CXADR: variants seen among roughly 807,000 people sequenced by gnomAD.
CXADR encodes coxsackievirus and adenovirus receptor.
Under a neutral mutation model 40.3 loss-of-function variants are expected in CXADR, and 20 were observed. The ratio of observed to expected loss-of-function variants is 0.50; its 90% confidence interval spans 0.35 to 0.72. The LOEUF is 0.72. CXADR is among the 30% of genes least tolerant of loss of function. The probability of loss-of-function intolerance (pLI) is 0.01; values close to 1 mark genes in which losing one functional copy is unlikely to be tolerated. For synonymous variants in CXADR, 150 were observed against 161.3 expected (o/e 0.93, Z 0.53); for missense variants, 332 against 449.1 (o/e 0.74, Z 2.36).
chr21:17,525,144 T>G (rs1475484283), intron 1 of CXADR, among the ~76,000 whole-genome samples: 1 of 152,170 alleles, frequency 6.6e-6, no homozygotes, highest in Non-Finnish European at 1.5e-5. Flanking sequence ...GAAAAAGGAT[T>G]AACAATTAAA....
At chr21:17,577,151 CA>C (rs540355238) in intron 7 of CXADR, among the ~76,000 whole-genome samples, 172 of 137,574 alleles carry the variant, frequency 1.3e-3, no homozygotes, top group South Asian at 2.3e-3. Flanking sequence ...GACCCTGTCT[CA>C]AAAAAAAAAA....
At chr21:17,628,560 G>C in the CXADR span, among the ~76,000 whole-genome samples, 2 of 152,112 alleles carry the variant, frequency 1.3e-5, no homozygotes, top group Non-Finnish European at 2.9e-5. Context: ...GAATGCAGTG[G>C]CGTGATCTCG....
At chr21:17,609,847 C>G in the CXADR span, among the ~76,000 whole-genome samples, 2 of 152,024 alleles carry the variant, frequency 1.3e-5, no homozygotes, top group Non-Finnish European at 2.9e-5. Flanking sequence ...AGTACTAATA[C>G]AAGCTACAAT....
intron 1 of CXADR, chr21:17,530,338 A>G (rs2060657108): frequency 4.5e-5 from 20 of 444,004 alleles, no homozygotes; most frequent in South Asian, 3.3e-4. Context: ...TATAAATAGA[A>G]TTTTACAGTT....
At chr21:17,562,181 T>G (rs1010130474) in intron 6 of CXADR, among the ~76,000 whole-genome samples, 1 of 148,010 alleles carries the variant, frequency 6.8e-6, no homozygotes, top group African/African-American at 2.4e-5. Flanking sequence ...ATGCTAATGA[T>G]TATCTGAGCC....
At chr21:17,613,065 C>G in the CXADR span, 1 of 151,938 alleles carries the variant, frequency 6.6e-6, no homozygotes, top group Non-Finnish European at 1.5e-5. Context: ...CGGGCCTAGC[C>G]GCACGGGAGG....
chr21:17,543,043 G>A (rs768166404), intron 1 of CXADR: 57 of 370,126 alleles, frequency 1.5e-4, no homozygotes, highest in South Asian at 1.2e-3. Flanking sequence ...CAGTGAAGAG[G>A]AATTGAAGGC....
intron 1 of CXADR, among the ~76,000 whole-genome samples, chr21:17,514,670 G>A (rs1383220203): frequency 6.7e-6 from 1 of 149,252 alleles, no homozygotes; most frequent in Non-Finnish European, 1.5e-5. Context: ...TTTCGCTCTT[G>A]TTGCACAGGC....
intron 1 of CXADR, chr21:17,519,114 G>A (rs2060497265): frequency 1.3e-6 from 1 of 742,286 alleles, no homozygotes; most frequent in Admixed American, 2.2e-5. Flanking sequence ...ACCATCAGAG[G>A]AAAAATGCCT....
chr21:17,539,535 A>G (rs1370178326), intron 1 of CXADR, among the ~76,000 whole-genome samples: 1 of 152,154 alleles, frequency 6.6e-6, no homozygotes, highest in East Asian at 1.9e-4. Context: ...GTATTATTCA[A>G]CATTTACTTG....
chr21:17,513,198 G>A (rs11911015), intron 1 of CXADR, 26 bp downstream of exon 1: 21 of 1,356,300 alleles, frequency 1.5e-5, no homozygotes, highest in Middle Eastern at 2.0e-4. Flanking sequence ...GGGGTCCTCA[G>A]CACCCGCCCA....
At position 17,565,434 on chromosome 21, in the gene CXADR, T is replaced by A. The variant is rs1490468748; in HGVS notation, c.840T>A (p.Asp280Glu). ...EKEVHHDIRE[D>E]VPPPKSRTST... is the part of the protein sequence containing the mutation. ...TGGGGATTTTGCTTTGCAGGGAAGA[T>A]GTGCCACCTCCAAAGAGCCGTACGT... Residue 280 changes from aspartate (D) to glutamate (E), a missense_variant, in exon 7 of 7, where the codon GAT (aspartate) becomes GAA (glutamate). Asp to Glu is a conservative substitution (Grantham distance 45, BLOSUM62 2). Transcript: ENST00000284878. The A allele has an allele frequency of 6.2e-7, 1 of 1,613,700 alleles. No individual in the cohort carries two copies.
intron 7 of CXADR, among the ~76,000 whole-genome samples, chr21:17,586,734 T>A (rs1241420185): frequency 1.3e-5 from 2 of 152,174 alleles, no homozygotes; most frequent in Non-Finnish European, 1.5e-5. Flanking sequence ...TTTAGTTTTT[T>A]AAAATTTTTT....
intron 1 of CXADR, among the ~76,000 whole-genome samples, chr21:17,516,094 C>G (rs2123093183): frequency 6.6e-6 from 1 of 152,282 alleles, no homozygotes; most frequent in South Asian, 2.1e-4. Context: ...AACCCTTGAT[C>G]AGTTATGAAA....
chr21:17,533,574 A>G (rs2060705451), intron 1 of CXADR, among the ~76,000 whole-genome samples: 1 of 152,206 alleles, frequency 6.6e-6, no homozygotes, highest in Non-Finnish European at 1.5e-5. Context: ...TCTTCATTGC[A>G]AAACACGGAT....
At chr21:17,595,831 A>G (rs2061497226), downstream of CXADR, among the ~76,000 whole-genome samples, 1 of 152,074 alleles carries the variant, frequency 6.6e-6, no homozygotes, top group African/African-American at 2.4e-5. Context: ...GAGTAATAGA[A>G]GAGTTACACA....
chr21:17,547,428 A>G (rs1191922404), intron 2 of CXADR, among the ~76,000 whole-genome samples: 5 of 152,208 alleles, frequency 3.3e-5, no homozygotes, highest in Non-Finnish European at 7.3e-5. Flanking sequence ...GCAAAAGATC[A>G]CTGGAGTTCT....
At chr21:17,518,521 A>G in intron 1 of CXADR, 7 of 946,026 alleles carry the variant, frequency 7.4e-6, no homozygotes, top group Non-Finnish European at 1.2e-5. Flanking sequence ...TCCAAAAACC[A>G]TGCCAGCTTC....
the CXADR span, among the ~76,000 whole-genome samples, chr21:17,610,293 C>T: frequency 1.3e-5 from 2 of 152,154 alleles, no homozygotes; most frequent in Non-Finnish European, 2.9e-5. Context: ...AACCATTGAA[C>T]TGTACATTTT....
Sources: allele counts gnomAD v4.1 joint callset (sites outside exome capture counted in the v4.1 genomes callset), GRCh38; gene constraint gnomAD v4.1.1; transcripts MANE v1.5; gene names NCBI Gene and HGNC (gene_info 2026-07-23, HGNC 2026-07-21).